Variants in SGIP1 observed in about 807,000 individuals in gnomAD.
SGIP1 encodes the protein SH3GL interacting endocytic adaptor 1.
Under a neutral mutation model 107.5 loss-of-function variants are expected in SGIP1, and 38 were observed. The ratio of observed to expected loss-of-function variants is 0.35; its 90% confidence interval spans 0.27 to 0.46. The LOEUF (loss-of-function observed/expected upper bound fraction) is 0.46. SGIP1 is among the 20% of genes least tolerant of loss of function. The pLI, the probability that SGIP1 is intolerant of heterozygous loss-of-function variation, is 1.00. For missense variants in SGIP1, 929 were observed against 1,019.5 expected, an observed-to-expected ratio of 0.91 and a Z score of 1.21; for synonymous variants, 365 against 366.1, an observed-to-expected ratio of 1.00 and a Z score of 0.03.
rs188727583 is a variant in SGIP1 at position 66,734,934 on chromosome 1, C to A, written c.2031+1054C>A. Among the ~76,000 whole-genome samples the A allele has an allele frequency of 4.8e-3, 726 of 152,174 alleles. 2 individuals carry two copies. The highest frequency in any genetic ancestry group is 8.4e-3 in the Non-Finnish European group (571 of 67,994). On this transcript the variant is annotated intron_variant, in intron 21 of 24. Transcript: ENST00000371037. ...AATGACTAAACTAACATACGTATTACCTCACATAGTTATTTTTGTGATGAG... is the reference window on the plus strand; with the variant it reads ...AATGACTAAACTAACATACGTATTAACTCACATAGTTATTTTTGTGATGAG...
intron 1 of SGIP1, among the ~76,000 whole-genome samples, chr1:66,593,769 CAA>C (rs1270486491): frequency 6.6e-6 from 1 of 151,930 alleles, no homozygotes; most frequent in African/African-American, 2.4e-5. Flanking sequence ...ACCCTGTCAC[CAA>C]AAAAGATATA....
At chr1:66,712,540 T>C (rs2092986662) in intron 18 of SGIP1, among the ~76,000 whole-genome samples, 1 of 152,164 alleles carries the variant, frequency 6.6e-6, no homozygotes, top group Admixed American at 6.5e-5. Context: ...TGTATTCAAT[T>C]TCTGTACCTG....
At chr1:66,670,518 T>G (rs906026014) in intron 9 of SGIP1, among the ~76,000 whole-genome samples, 4 of 152,352 alleles carry the variant, frequency 2.6e-5, no homozygotes, top group Middle Eastern at 3.4e-3. Context: ...CTTTTACACT[T>G]GCTATCTATA....
At chr1:66,722,005 G>A (rs1334976812) in intron 19 of SGIP1, among the ~76,000 whole-genome samples, 1 of 151,854 alleles carries the variant, frequency 6.6e-6, no homozygotes, top group Non-Finnish European at 1.5e-5. Flanking sequence ...TCTGCCCTTC[G>A]AGACTCCCCC....
chr1:66,742,236 G>A (rs1295265649), intron 24 of SGIP1, among the ~76,000 whole-genome samples: 2 of 152,000 alleles, frequency 1.3e-5, no homozygotes, highest in Non-Finnish European at 2.9e-5. Context: ...TAAGCTGAAT[G>A]TGGCCATGAG....
intron 9 of SGIP1, among the ~76,000 whole-genome samples, chr1:66,669,080 G>A (rs896290785): frequency 1.3e-5 from 2 of 152,174 alleles, no homozygotes; most frequent in African/African-American, 4.8e-5. Context: ...TCAAACATTT[G>A]TTGCTTTCTA....
At chr1:66,659,425 T>C (rs2080434021) in intron 7 of SGIP1, among the ~76,000 whole-genome samples, 1 of 152,176 alleles carries the variant, frequency 6.6e-6, no homozygotes, top group Admixed American at 6.5e-5. Flanking sequence ...GCTCTAGCCA[T>C]GGTGACTTGG....
chr1:66,724,321 T>C (rs1159797817), intron 19 of SGIP1, among the ~76,000 whole-genome samples: 1 of 152,226 alleles, frequency 6.6e-6, no homozygotes, highest in Non-Finnish European at 1.5e-5. Flanking sequence ...CATCTATTCA[T>C]ATTTCCATCT....
In SGIP1 at chr1:66,741,256, A is replaced by G. The variant is rs1183884295; in HGVS notation, c.2300-16A>G. 8.3e-6 allele frequency: 13 copies of G among 1,564,796 alleles called. No individual in the cohort carries two copies. Among genetic ancestry groups the G allele is most frequent in the Non-Finnish European group, 1.1e-5 (13 of 1,158,096 alleles). ...TTATGTTGACTGTTACCTTGTAATAATGTGTTTTTTTTTAGGGGTGGGTTC... is the reference window on the plus strand; with the variant it reads ...TTATGTTGACTGTTACCTTGTAATAGTGTGTTTTTTTTTAGGGGTGGGTTC... On this transcript the variant is annotated splice_polypyrimidine_tract_variant and intron_variant, in intron 23 of 24. Transcript: ENST00000371037.
At chr1:66,540,311 TC>T (rs1421646791) in intron 1 of SGIP1, among the ~76,000 whole-genome samples, 1 of 152,220 alleles carries the variant, frequency 6.6e-6, no homozygotes, top group Admixed American at 6.5e-5. Flanking sequence ...GGAAATGATT[TC>T]ATAATGAAAA....
intron 1 of SGIP1, among the ~76,000 whole-genome samples, chr1:66,606,418 G>T (rs1379688015): frequency 6.6e-6 from 1 of 152,164 alleles, no homozygotes; most frequent in Admixed American, 6.5e-5. Flanking sequence ...ACTGGTTTGG[G>T]TTTTTTTCTC....
intron 15 of SGIP1, among the ~76,000 whole-genome samples, chr1:66,685,910 AG>A (rs2088095002): frequency 1.3e-5 from 2 of 152,246 alleles, no homozygotes; most frequent in African/African-American, 4.8e-5. Flanking sequence ...GTCATCAAAA[AG>A]AGAAACATAG....
chr1:66,605,641 C>T (rs1391273823), intron 1 of SGIP1, among the ~76,000 whole-genome samples: 1 of 151,730 alleles, frequency 6.6e-6, no homozygotes, highest in Non-Finnish European at 1.5e-5. Context: ...CAAACAATGA[C>T]TCACAACCCC....
At position 66,677,091 on chromosome 1, in the gene SGIP1, C is replaced by T. The variant is rs553316752; in HGVS notation, c.734C>T (p.Thr245Ile). The change falls in exon 13 of 25, where the codon ACT becomes ATT. Residue 245 changes from threonine to isoleucine, a missense_variant. Thr to Ile is a moderately conservative substitution (Grantham distance 89). Coordinates refer to ENST00000371037, the MANE Select transcript of SGIP1 (RefSeq NM_032291.4). Reference sequence around the variant, plus strand: ...CCAAAGTTAACAAGGCCTTTTCCCACTGGAAGTAAGTTATGTGTCTGCTCT... The same window carrying T: ...CCAAAGTTAACAAGGCCTTTTCCCATTGGAAGTAAGTTATGTGTCTGCTCT... ...ESPKLTRPFP[T>I]GTPPPLPPKN... 3.7e-6 allele frequency: 6 copies of T among 1,613,210 alleles called. No homozygotes were observed. The African/African-American group carries it at 8.0e-5, about 22-fold the overall frequency.
At chr1:66,570,843 A>C (rs2060284461) in intron 1 of SGIP1, among the ~76,000 whole-genome samples, 2 of 151,848 alleles carry the variant, frequency 1.3e-5, no homozygotes, top group Admixed American at 1.3e-4. Context: ...TGGGTCTGTC[A>C]TTCTGTTTCT....
intron 18 of SGIP1, among the ~76,000 whole-genome samples, chr1:66,699,445 A>G (rs1385266029): frequency 6.6e-6 from 1 of 152,088 alleles, no homozygotes; most frequent in African/African-American, 2.4e-5. Flanking sequence ...TCATCCTGTG[A>G]CATAGAGTGT....
At chr1:66,626,606 A>G (rs2072860502) in intron 2 of SGIP1, among the ~76,000 whole-genome samples, 1 of 152,182 alleles carries the variant, frequency 6.6e-6, no homozygotes, top group Non-Finnish European at 1.5e-5. Flanking sequence ...ATTCTCCTGC[A>G]GAAGTATTTG....
intron 4 of SGIP1, 41 bp downstream of exon 4, chr1:66,636,056 T>C: frequency 6.4e-7 from 1 of 1,566,436 alleles, no homozygotes; most frequent in Non-Finnish European, 8.8e-7. Context: ...CAAAGGGTTA[T>C]AAAAAACAGT....
At chr1:66,641,657 G>A (rs1026708957) in intron 5 of SGIP1, among the ~76,000 whole-genome samples, 1 of 152,056 alleles carries the variant, frequency 6.6e-6, no homozygotes, top group Non-Finnish European at 1.5e-5. Flanking sequence ...CTTGTTATGT[G>A]GCTCAGTGAG....
Sources: gnomAD v4.1 joint callset for allele counts (sites outside exome capture counted in the v4.1 genomes callset) on GRCh38, gnomAD v4.1.1 for gene constraint, MANE v1.5 for transcripts, NCBI Gene and HGNC (gene_info 2026-07-23, HGNC 2026-07-21) for gene names.